The following PCDHA11 variants were observed in gnomAD, a reference collection of about 807,000 sequenced individuals.
PCDHA11 encodes protocadherin alpha 11.
PCDHA11 carries 61 observed loss-of-function variants against 70.3 expected under a neutral mutation model. The observed-to-expected ratio is 0.87, with a 90% CI of 0.71 to 1.07. PCDHA11 has a LOEUF of 1.07. Among genes scored for constraint, PCDHA11 ranks in the 50% least tolerant of loss-of-function variants. The pLI is 0.00. For missense variants in PCDHA11, 1,324 were observed against 1,237.5 expected (o/e 1.07, Z -1.05); for synonymous variants, 633 against 555.1 (o/e 1.14, Z -1.97).
intron 1 of PCDHA11, chr5:140,968,431 G>T: frequency 6.2e-7 from 1 of 1,613,980 alleles, no homozygotes; most frequent in South Asian, 1.1e-5. Flanking sequence ...AGGACAAGGG[G>T]AGCCCACCAC....
chr5:140,920,360 C>T (rs1049389066), intron 1 of PCDHA11, among the ~76,000 whole-genome samples: 2 of 151,950 alleles, frequency 1.3e-5, no homozygotes, highest in Non-Finnish European at 2.9e-5. Context: ...TAGTTCTATT[C>T]ATTTATTCTT....
chr5:140,926,891 G>A, intron 1 of PCDHA11: 9 of 1,545,914 alleles, frequency 5.8e-6, no homozygotes, highest in Non-Finnish European at 7.9e-6. Context: ...CCTAGAGGGA[G>A]GATGGTGGGC....
rs183321184 is a variant in PCDHA11 at position 140,907,756 on chromosome 5, C to G, written c.2391+36262C>G. 7.8e-3 allele frequency among the ~76,000 whole-genome samples: 1,193 copies of G among 152,264 alleles called. 22 individuals carry two copies. The highest frequency in any genetic ancestry group is 0.027 in the African/African-American group (1,101 of 41,546). On this transcript the variant is annotated intron_variant, in intron 1 of 3. Coordinates refer to ENST00000398640, the MANE Select transcript of PCDHA11 (RefSeq NM_018902.5). ...CCACCATGGCCACTTTGTTCATGGGCCCATTGGGTGATGACAGGGGTGGCT... is the reference window on the plus strand; with the variant it reads ...CCACCATGGCCACTTTGTTCATGGGGCCATTGGGTGATGACAGGGGTGGCT...
Position 140,870,720 on chromosome 5 carries a change from G to T in PCDHA11, c.1617G>T (p.Ala539=), listed in dbSNP as rs544150374. Residue 539 remains alanine, a synonymous_variant, in exon 1 of 4, where the codon GCG becomes GCT. Coordinates refer to ENST00000398640, the MANE Select transcript of PCDHA11 (RefSeq NM_018902.5). ...AGTTCCAGGTGAGCGCGCGCGATGC[G>T]GGCGTGCCGCCTCTGAGCAGCAACG... ...LLQFQVSARD[A]GVPPLSSNVT... is the part of the protein sequence containing the mutation. The T allele has an allele frequency of 5.0e-6, 8 of 1,613,202 alleles. No individual in the cohort carries two copies. Among genetic ancestry groups the T allele is most frequent in the Non-Finnish European group, 6.8e-6 (8 of 1,179,886 alleles).
At chr5:140,996,795 C>G (rs1554255407) in intron 3 of PCDHA11, among the ~76,000 whole-genome samples, 1 of 152,170 alleles carries the variant, frequency 6.6e-6, no homozygotes, top group East Asian at 1.9e-4. Flanking sequence ...CTCCCTACAT[C>G]CAATCATGCT....
chr5:140,877,161 G>C (rs2056901330), intron 1 of PCDHA11: 1 of 1,613,828 alleles, frequency 6.2e-7, no homozygotes, highest in Non-Finnish European at 8.5e-7. Context: ...ACAACGCGCC[G>C]GCACTGCTGG....
In PCDHA11 at chr5:140,936,286, A is replaced by G. The variant is rs73266055; in HGVS notation, c.2392-42663A>G. Among the ~76,000 whole-genome samples the G allele has an allele frequency of 3.3e-3, 501 of 152,358 alleles. 2 individuals are homozygous for G. The highest frequency in any genetic ancestry group is 0.012 in the African/African-American group (482 of 41,580). On this transcript the variant is annotated intron_variant, in intron 1 of 3. Transcript: ENST00000398640. ...AAGATATATTCCTGTGTTTTCTTCT[A>G]TAACATTGCTATCCAATAGAACTTT...
chr5:141,007,349 G>C (rs532404832), intron 3 of PCDHA11, among the ~76,000 whole-genome samples: 204 of 144,744 alleles, frequency 1.4e-3, no homozygotes, highest in Middle Eastern at 0.011. Flanking sequence ...TCAGGAGTTC[G>C]AGACCAGCCT....
At chr5:140,926,879 C>T (rs1554203752) in intron 1 of PCDHA11, 1 of 1,534,362 alleles carries the variant, frequency 6.5e-7, no homozygotes, top group African/African-American at 1.4e-5. Context: ...GGAACGTGGA[C>T]GCCTAGAGGG....
intron 1 of PCDHA11, among the ~76,000 whole-genome samples, chr5:140,947,571 GT>G (rs782708059): frequency 1.8e-4 from 28 of 151,588 alleles, no homozygotes; most frequent in Non-Finnish European, 3.1e-4. Context: ...TATTGGGAAT[GT>G]TTTTAACATT....
At chr5:140,956,622 C>T (rs1438482570) in intron 1 of PCDHA11, among the ~76,000 whole-genome samples, 2 of 152,008 alleles carry the variant, frequency 1.3e-5, no homozygotes, top group African/African-American at 4.8e-5. Context: ...CTTTTTGTTG[C>T]ATCTCTGCCA....
At chr5:140,945,371 A>G (rs926668947) in intron 1 of PCDHA11, among the ~76,000 whole-genome samples, 2 of 152,104 alleles carry the variant, frequency 1.3e-5, no homozygotes, top group African/African-American at 4.8e-5. Context: ...AAATGTCCAT[A>G]TTACCCAAAG....
rs2098417240 is a variant in PCDHA11 at position 141,010,418 on chromosome 5, G to A, written c.*481G>A. Reference sequence around the variant, plus strand: ...AGCCAGCTTAGACTAATTGGTACAAGGAAGGCAAGAAAACAAAGACAAATA... The same window carrying A: ...AGCCAGCTTAGACTAATTGGTACAAAGAAGGCAAGAAAACAAAGACAAATA... On this transcript the variant is annotated 3_prime_UTR_variant, in exon 4 of 4. Coordinates refer to ENST00000398640, the MANE Select transcript of PCDHA11 (RefSeq NM_018902.5). The A allele has an allele frequency of 3.4e-6, 4 of 1,168,142 alleles. No homozygotes were observed. The East Asian group carries it at 1.0e-4, about 30-fold the overall frequency. The allele number at this position is 1,168,142 out of a possible 1,614,324, so 72.4% of individuals were successfully genotyped here. A position where few individuals can be genotyped will look rare whatever the true frequency, so the allele number is the denominator to read the frequency against.
intron 3 of PCDHA11, among the ~76,000 whole-genome samples, chr5:141,001,745 T>A (rs2098035193): frequency 6.6e-6 from 1 of 152,200 alleles, no homozygotes; most frequent in Non-Finnish European, 1.5e-5. Flanking sequence ...CTGGGCTGTT[T>A]CAGTGGTTGA....
Position 140,896,173 on chromosome 5 carries a change from TTGCTATTGTGAATAG to T in PCDHA11, c.2391+24683_2391+24697del, listed in dbSNP as rs1554186855. On this transcript the variant is annotated intron_variant, in intron 1 of 3. Transcript: ENST00000398640. ...GGGCATTTAGGATTATTCTCTGTCT[TTGCTATTGTGAATAG>T]TGCCATGATGAACATACACATACAT... 2.6e-4 allele frequency among the ~76,000 whole-genome samples: 40 copies of T among 152,340 alleles called. 1 individual carries two copies. The East Asian group carries it at 5.2e-3, about 20-fold the overall frequency.
intron 1 of PCDHA11, among the ~76,000 whole-genome samples, chr5:140,904,904 C>A (rs1463349424): frequency 6.6e-6 from 1 of 151,948 alleles, no homozygotes; most frequent in Non-Finnish European, 1.5e-5. Context: ...GTTTTTCTTA[C>A]TGATTTGTTT....
In PCDHA11 at chr5:141,010,127, T is replaced by A. The variant is rs1419190844; in HGVS notation, c.*190T>A. On this transcript the variant is annotated 3_prime_UTR_variant, in exon 4 of 4. Transcript: ENST00000398640. ...TTTGTCGTAAAAGCTTTACTAAGTC[T>A]GGTGTTAACTCTTTCTCTCCACTCT... The A allele has an allele frequency of 1.9e-6, 3 of 1,602,472 alleles. No individual in the cohort carries two copies. Among genetic ancestry groups the A allele is most frequent in the Non-Finnish European group, 2.6e-6 (3 of 1,173,756 alleles).
intron 1 of PCDHA11, among the ~76,000 whole-genome samples, chr5:140,970,194 A>G (rs1202666673): frequency 6.6e-6 from 1 of 152,204 alleles, no homozygotes; most frequent in African/African-American, 2.4e-5. Context: ...TTGTAAGAGG[A>G]TTTCCCTGAA....
intron 1 of PCDHA11, chr5:140,884,678 A>T (rs781881057): frequency 1.0e-5 from 16 of 1,553,210 alleles, no homozygotes; most frequent in South Asian, 4.9e-5. Context: ...CTTATATTTT[A>T]AAAAATTGTC....
Sources: allele counts gnomAD v4.1 joint callset (sites outside exome capture counted in the v4.1 genomes callset), GRCh38; gene constraint gnomAD v4.1.1; transcripts MANE v1.5; gene names NCBI Gene and HGNC (gene_info 2026-07-23, HGNC 2026-07-21).